SDCCAG8: variants seen among roughly 807,000 people sequenced by gnomAD.
SDCCAG8 encodes the protein serologically defined colon cancer antigen 8.
In SDCCAG8, 74 loss-of-function variants were observed where a neutral mutation model predicts 101.8. The observed-to-expected ratio is 0.73, with a 90% confidence interval of 0.60 to 0.88. SDCCAG8 has a LOEUF of 0.88. Among genes scored for constraint, SDCCAG8 ranks in the 40% least tolerant of loss-of-function variants. The pLI is 0.00. For synonymous variants in SDCCAG8, 281 were observed against 292.9 expected (o/e 0.96, Z 0.41); for missense variants, 787 against 822.6 (o/e 0.96, Z 0.53).
At chr1:243,342,263 A>T (rs1276737463) in intron 11 of SDCCAG8, among the ~76,000 whole-genome samples, 1 of 152,234 alleles carries the variant, frequency 6.6e-6, no homozygotes, top group African/African-American at 2.4e-5. Flanking sequence ...TGTTGAAATC[A>T]GTACAGCAGA....
In SDCCAG8 at chr1:243,342,530, A is replaced by T. The variant is rs550707194; in HGVS notation, c.1356+1357A>T. Among the ~76,000 whole-genome samples, 11 of 152,350 alleles carry T rather than the reference A, an allele frequency of 7.2e-5. 1 individual carries two copies. The highest frequency in any genetic ancestry group is 2.6e-4 in the African/African-American group (11 of 41,584). ...TTTAAATAAGACCTGCTGCTTAAAC[A>T]GTTTTTACATAACCAGCTTGTATTG... On this transcript the variant is annotated intron_variant, in intron 11 of 17. Transcript: ENST00000366541.
At chr1:243,259,003 A>T (rs2066981205) in intron 1 of SDCCAG8, among the ~76,000 whole-genome samples, 1 of 152,224 alleles carries the variant, frequency 6.6e-6, no homozygotes, top group Non-Finnish European at 1.5e-5. Context: ...CTGCACATGT[A>T]GTCACTACTA....
chr1:243,266,786 A>AAAAAAAAG (rs1469315424), intron 1 of SDCCAG8, among the ~76,000 whole-genome samples: 1 of 137,112 alleles, frequency 7.3e-6, no homozygotes, highest in Non-Finnish European at 1.5e-5. Flanking sequence ...CAAAAAAAAA[A>AAAAAAAAG]AAAGAAATTA....
chr1:243,487,505 G>A (rs530426268), intron 16 of SDCCAG8, among the ~76,000 whole-genome samples: 167 of 152,334 alleles, frequency 1.1e-3, no homozygotes, highest in African/African-American at 3.9e-3. Flanking sequence ...CACACACACA[G>A]GGAAACACTC....
At chr1:243,295,744 C>G (rs1398418910) in intron 6 of SDCCAG8, among the ~76,000 whole-genome samples, 2 of 152,200 alleles carry the variant, frequency 1.3e-5, no homozygotes, top group African/African-American at 4.8e-5. Flanking sequence ...AATGCGCCCT[C>G]TCATTCTGCT....
intron 12 of SDCCAG8, among the ~76,000 whole-genome samples, chr1:243,359,841 G>A (rs2147847717): frequency 6.6e-6 from 1 of 152,262 alleles, no homozygotes. Context: ...GTCAGTCTTT[G>A]TTGTGCTATG....
chr1:243,422,268 G>A (rs895442963), intron 15 of SDCCAG8, among the ~76,000 whole-genome samples: 4 of 152,142 alleles, frequency 2.6e-5, no homozygotes, highest in African/African-American at 9.7e-5. Flanking sequence ...ATGGGGTCTC[G>A]TTATATATAA....
chr1:243,480,820 T>G (rs891168772), intron 16 of SDCCAG8, among the ~76,000 whole-genome samples: 162 of 38,412 alleles, frequency 4.2e-3, no homozygotes, highest in East Asian at 8.0e-3. Context: ...ATGGGTGGGA[T>G]GGATGGATGG....
intron 4 of SDCCAG8, among the ~76,000 whole-genome samples, chr1:243,278,462 A>G (rs888932405): frequency 6.6e-6 from 1 of 151,868 alleles, no homozygotes; most frequent in Non-Finnish European, 1.5e-5. Context: ...CTCGTGATCC[A>G]CCCGCCTCGG....
chr1:243,454,517 A>C (rs538673186), intron 16 of SDCCAG8, among the ~76,000 whole-genome samples: 56 of 151,976 alleles, frequency 3.7e-4, no homozygotes, highest in Non-Finnish European at 7.1e-4. Flanking sequence ...AGCCTACATC[A>C]CTGTACCCGT....
intron 1 of SDCCAG8, among the ~76,000 whole-genome samples, chr1:243,264,602 G>A (rs926157782): frequency 2.0e-5 from 3 of 151,538 alleles, no homozygotes; most frequent in South Asian, 2.1e-4. Flanking sequence ...CAACCAGAGC[G>A]AAAACTCCAT....
chr1:243,293,086 T>A lies in SDCCAG8; in HGVS notation c.547-5T>A, dbSNP rs1417855563. 1.2e-6 allele frequency: 2 copies of A among 1,614,000 alleles called. No homozygotes were observed. The highest frequency in any genetic ancestry group is 3.3e-5 in the Admixed American group (2 of 59,996). On this transcript the variant is annotated splice_polypyrimidine_tract_variant and splice_region_variant and intron_variant, in intron 5 of 17. Coordinates refer to ENST00000366541, the MANE Select transcript of SDCCAG8 (RefSeq NM_006642.5). ...AGTTGCAGTTACTGGCACATTTTAT[T>A]TTAGGGAAACATGCACAATTCTTGG...
intron 16 of SDCCAG8, 98 bp downstream of exon 16, chr1:243,426,656 CATT>C: frequency 7.2e-7 from 1 of 1,393,210 alleles, no homozygotes. Context: ...AATTCATCAT[CATT>C]ATGCTACTTG....
At chr1:243,475,585 G>C (rs1257987759) in intron 16 of SDCCAG8, among the ~76,000 whole-genome samples, 1 of 152,164 alleles carries the variant, frequency 6.6e-6, no homozygotes, top group African/African-American at 2.4e-5. Flanking sequence ...AGATCCTCTG[G>C]GGCCTCTGAG....
chr1:243,287,583 C>A (rs1429206679), intron 5 of SDCCAG8, among the ~76,000 whole-genome samples: 1 of 152,048 alleles, frequency 6.6e-6, no homozygotes. Context: ...GTGATCAGTT[C>A]TTTTCTCCTC....
intron 16 of SDCCAG8, among the ~76,000 whole-genome samples, chr1:243,482,757 C>G (rs546100707): frequency 6.6e-6 from 1 of 152,348 alleles, no homozygotes; most frequent in South Asian, 2.1e-4. Context: ...GCCACAGCTC[C>G]CAGGGCTCCA....
chr1:243,429,748 G>A (rs1269139000), intron 16 of SDCCAG8, among the ~76,000 whole-genome samples: 1 of 147,882 alleles, frequency 6.8e-6, no homozygotes, highest in Admixed American at 6.7e-5. Flanking sequence ...GTCGCCCAGG[G>A]TGGAGTGCAG....
intron 10 of SDCCAG8, among the ~76,000 whole-genome samples, 190 bp from the exon 11 acceptor site, chr1:243,340,849 G>A (rs1418325587): frequency 6.6e-6 from 1 of 152,146 alleles, no homozygotes; most frequent in East Asian, 1.9e-4. Flanking sequence ...GAATGAATAG[G>A]AGAGAAGTAC....
At chr1:243,313,003 A>G (rs2072901522) in intron 8 of SDCCAG8, among the ~76,000 whole-genome samples, 1 of 152,228 alleles carries the variant, frequency 6.6e-6, no homozygotes, top group South Asian at 2.1e-4. Flanking sequence ...ATGGTAACCA[A>G]GATGGAACTG....
Sources: allele counts gnomAD v4.1 joint callset (sites outside exome capture counted in the v4.1 genomes callset), GRCh38; gene constraint gnomAD v4.1.1; transcripts MANE v1.5; gene names NCBI Gene and HGNC (gene_info 2026-07-23, HGNC 2026-07-21).